The following ARIH1 variants were observed in gnomAD, a reference collection of about 807,000 sequenced individuals.
The protein encoded by ARIH1 is ariadne RBR E3 ubiquitin protein ligase 1, also known as E3 ubiquitin-protein ligase ARIH1.
Under a neutral mutation model 85.0 loss-of-function variants are expected in ARIH1, and 8 were observed. That is an observed-to-expected ratio of 0.09 (90% CI 0.06 to 0.17). The LOEUF is 0.17. Among genes scored for constraint, ARIH1 ranks in the 10% least tolerant of loss-of-function variants. ARIH1 has a pLI of 1.00. For synonymous variants in ARIH1, 238 were observed against 253.6 expected (o/e 0.94, Z 0.59); for missense variants, 311 against 718.1 (o/e 0.43, Z 6.48).
rs1157526431 is a variant in ARIH1, at chr15:72,533,310, A to G, written c.444-11510A>G. Among the ~76,000 whole-genome samples the G allele has an allele frequency of 3.3e-5, 5 of 152,108 alleles. No individual in the cohort carries two copies. In the East Asian group the frequency reaches 5.8e-4, roughly 18 times the overall value. On this transcript the variant is annotated intron_variant, in intron 2 of 13. Transcript: ENST00000379887. ...AAGCACAGCTGATTTTTGTATTTTT[A>G]GTAGAGATGGGGTTTCACCATGTTG...
chr15:72,519,048 T>C (rs552394447), intron 2 of ARIH1, among the ~76,000 whole-genome samples: 2 of 152,234 alleles, frequency 1.3e-5, no homozygotes, highest in South Asian at 2.1e-4. Flanking sequence ...TTCTTAATCT[T>C]GTTCTGCTCT....
chr15:72,590,642 C>A lies in ARIH1; in HGVS notation c.*7350C>A, dbSNP rs556333056. 1 of 152,208 alleles carries A rather than the reference C, an allele frequency of 6.6e-6. No homozygotes were observed. Among genetic ancestry groups the A allele is most frequent in the South Asian group, 2.1e-4 (1 of 4,810 alleles). 9.4% of individuals were successfully genotyped at this position (152,208 alleles called of 1,614,324 possible). ...CTGGAATATAATGGCTATTCACAGG[C>A]ACAGTTAGGGTGCACTACTGCCGTG... On this transcript the variant is annotated 3_prime_UTR_variant, in exon 14 of 14. Coordinates refer to ENST00000379887, the MANE Select transcript of ARIH1 (RefSeq NM_005744.5).
chr15:72,547,822 C>T (rs970880033), intron 3 of ARIH1, among the ~76,000 whole-genome samples: 1 of 152,186 alleles, frequency 6.6e-6, no homozygotes, highest in Non-Finnish European at 1.5e-5. Context: ...CCTGCCCTAT[C>T]ATAGACAGTT....
chr15:72,580,610 T>C, intron 11 of ARIH1, 121 bp from the exon 12 acceptor site: 1 of 931,786 alleles, frequency 1.1e-6, no homozygotes, highest in Non-Finnish European at 1.6e-6. Flanking sequence ...TTCATCTTTT[T>C]GATAAAAACC....
intron 2 of ARIH1, among the ~76,000 whole-genome samples, chr15:72,541,466 A>T (rs2064107231): frequency 6.6e-6 from 1 of 152,240 alleles, no homozygotes; most frequent in Non-Finnish European, 1.5e-5. Flanking sequence ...AATATTATAG[A>T]GTCAATTCTT....
rs530198843 is a variant in ARIH1, at chr15:72,533,255, A to G, written c.444-11565A>G. Among the ~76,000 whole-genome samples, 48 of 152,160 alleles carry G rather than the reference A, an allele frequency of 3.2e-4. 1 individual carries two copies. In the South Asian group the frequency reaches 9.6e-3, roughly 30 times the overall value. On this transcript the variant is annotated intron_variant, in intron 2 of 13. Transcript: ENST00000379887. The stretch of plus-strand genomic sequence containing the variant: ...AGCAATTCTCCTGTCTCAGCCTCCC[A>G]AGTAGCTGGGACTACAGGACCATGC...
At position 72,589,566 on chromosome 15, in the gene ARIH1, C is replaced by G. The variant is rs946447825; in HGVS notation, c.*6274C>G. 1.3e-5 allele frequency: 2 copies of G among 152,146 alleles called. No homozygotes were observed. The highest frequency in any genetic ancestry group is 4.8e-5 in the African/African-American group (2 of 41,408). The allele number at this position is 152,146 out of a possible 1,614,324, so 9.4% of individuals were successfully genotyped here. A position where few individuals can be genotyped will look rare whatever the true frequency, so the allele number is the denominator to read the frequency against. On this transcript the variant is annotated 3_prime_UTR_variant, in exon 14 of 14. Coordinates refer to ENST00000379887, the MANE Select transcript of ARIH1 (RefSeq NM_005744.5). ...CTCCAGGTATTACATGTTAACTGTT[C>G]CTGACACATGTAGACAGAACCAATC...
rs551953545 is a variant in ARIH1, at chr15:72,584,310, C to G, written c.*1018C>G. On this transcript the variant is annotated 3_prime_UTR_variant, in exon 14 of 14. Coordinates refer to ENST00000379887, the MANE Select transcript of ARIH1 (RefSeq NM_005744.5). The stretch of plus-strand genomic sequence containing the variant: ...ATGAATTAACCTGTCCCAACCTAAT[C>G]CCCCTCCATGGCATCATGCCTCTAC... 1 of 152,320 alleles carries G rather than the reference C, an allele frequency of 6.6e-6. No homozygotes were observed. The highest frequency in any genetic ancestry group is 1.9e-4 in the East Asian group (1 of 5,188). 9.4% of individuals were successfully genotyped at this position (152,320 alleles called of 1,614,324 possible).
chr15:72,566,494 T>C, intron 7 of ARIH1, 69 bp from the exon 8 acceptor site: 3 of 1,266,324 alleles, frequency 2.4e-6, no homozygotes, highest in Non-Finnish European at 3.5e-6. Context: ...AGGCATGAAA[T>C]GATTGGCTTA....
chr15:72,503,481 AT>A (rs2063911993), intron 1 of ARIH1, among the ~76,000 whole-genome samples: 1 of 152,124 alleles, frequency 6.6e-6, no homozygotes, highest in Admixed American at 6.5e-5. Context: ...GTAGCTTCTT[AT>A]GATTTCAGTT....
chr15:72,495,760 AAC>A (rs1219245818), intron 1 of ARIH1, among the ~76,000 whole-genome samples: 2 of 151,998 alleles, frequency 1.3e-5, no homozygotes, highest in Non-Finnish European at 2.9e-5. Context: ...TCTGTATCAA[AAC>A]ACAATATTTA....
chr15:72,519,733 C>T (rs577097748), intron 2 of ARIH1, among the ~76,000 whole-genome samples: 2 of 152,188 alleles, frequency 1.3e-5, no homozygotes, highest in East Asian at 3.9e-4. Context: ...ATCTGCCCGC[C>T]TCAGCCTCCC....
chr15:72,531,742 G>A (rs2064058176), intron 2 of ARIH1, among the ~76,000 whole-genome samples: 1 of 152,192 alleles, frequency 6.6e-6, no homozygotes, highest in Non-Finnish European at 1.5e-5. Flanking sequence ...TGATACCTCA[G>A]TCTTTTGAAA....
Position 72,543,847 on chromosome 15 carries a change from GTTTT to G in ARIH1, c.444-963_444-960del, listed in dbSNP as rs879379006. ...TTATATTGGTTTTACAGATTGAAAAGTTTTTTTTTTTTTAATATCTATTGCTTTT... is the reference window on the plus strand; with the variant it reads ...TTATATTGGTTTTACAGATTGAAAAGTTTTTTTTTAATATCTATTGCTTTT... On this transcript the variant is annotated intron_variant, in intron 2 of 13. Transcript: ENST00000379887. 4.2e-3 allele frequency among the ~76,000 whole-genome samples: 600 copies of G among 143,326 alleles called. 2 individuals are homozygous for G. Among genetic ancestry groups the G allele is most frequent in the African/African-American group, 0.014 (545 of 38,542 alleles). 94.0% of individuals were successfully genotyped at this position (143,326 alleles called of 152,430 possible). A position where few individuals can be genotyped will look rare whatever the true frequency, so the allele number is the denominator to read the frequency against.
chr15:72,517,330 T>C (rs12902245), intron 1 of ARIH1, among the ~76,000 whole-genome samples: 136,216 of 152,182 alleles, frequency 0.9, 62,853 homozygotes, highest in East Asian at 1. Context: ...ACTCGAACTC[T>C]GGGGCCTGAG....
intron 7 of ARIH1, among the ~76,000 whole-genome samples, chr15:72,563,790 A>C (rs929157508): frequency 3.3e-5 from 5 of 152,268 alleles, no homozygotes; most frequent in African/African-American, 1.2e-4. Context: ...AATGGGAGCA[A>C]ACTTGTAGAT....
chr15:72,546,932 G>GGA (rs2064131700), intron 3 of ARIH1, among the ~76,000 whole-genome samples: 1 of 41,260 alleles, frequency 2.4e-5, no homozygotes, highest in African/African-American at 3.8e-5. Flanking sequence ...CTTTTTTTTT[G>GGA]GAGGGGGGGG....
At chr15:72,504,041 T>C (rs936754396) in intron 1 of ARIH1, among the ~76,000 whole-genome samples, 1 of 152,130 alleles carries the variant, frequency 6.6e-6, no homozygotes, top group Non-Finnish European at 1.5e-5. Flanking sequence ...AAAGGGCCAG[T>C]GTGATAGCCT....
Position 72,592,858 on chromosome 15 carries a change from GA to G in ARIH1, c.*9567del, listed in dbSNP as rs1196582635. 6.6e-6 allele frequency: 1 copy of G among 152,156 alleles called. No individual in the cohort carries two copies. Among genetic ancestry groups the G allele is most frequent in the Non-Finnish European group, 1.5e-5 (1 of 68,010 alleles). The allele number at this position is 152,156 out of a possible 1,614,324, so 9.4% of individuals were successfully genotyped here. On this transcript the variant is annotated 3_prime_UTR_variant, in exon 14 of 14. Coordinates refer to ENST00000379887, the MANE Select transcript of ARIH1 (RefSeq NM_005744.5). ...CCAGTTTGGGGCAATTATGAATAAG[GA>G]TGCTATCGATATTCTTACACAGCCT...
Sources: gnomAD v4.1 joint callset for allele counts (sites outside exome capture counted in the v4.1 genomes callset) on GRCh38, gnomAD v4.1.1 for gene constraint, MANE v1.5 for transcripts, NCBI Gene and HGNC (gene_info 2026-07-23, HGNC 2026-07-21) for gene names.